INO80D: variants seen among roughly 807,000 people sequenced by gnomAD.
INO80D encodes the protein INO80 complex subunit D.
INO80D carries 21 observed loss-of-function variants against 87.6 expected under a neutral mutation model. The observed-to-expected ratio is 0.24, with a 90% CI of 0.17 to 0.35. INO80D has a LOEUF of 0.35. Ranked by LOEUF, INO80D falls within the 10% of genes least tolerant of loss-of-function variation. The pLI, the probability that INO80D is intolerant of heterozygous loss-of-function variation, is 1.00. For synonymous variants in INO80D, 440 were observed against 491.0 expected, an observed-to-expected ratio of 0.90 and a Z score of 1.37; for missense variants, 982 against 1,280.7, an observed-to-expected ratio of 0.77 and a Z score of 3.56.
chr2:206,007,231 CT>C, intron 10 of INO80D, 52 bp downstream of exon 10: 1 of 1,508,030 alleles, frequency 6.6e-7, no homozygotes, highest in East Asian at 2.3e-5. Context: ...TATTTCTTTT[CT>C]TATAAACTCA....
intron 10 of INO80D, among the ~76,000 whole-genome samples, chr2:206,006,356 G>T (rs1467199491): frequency 6.6e-6 from 1 of 152,124 alleles, no homozygotes; most frequent in Non-Finnish European, 1.5e-5. Context: ...ACAGGGTGGG[G>T]TATAAAACTA....
At chr2:206,051,870 G>T (rs1215473752) in intron 4 of INO80D, among the ~76,000 whole-genome samples, 2 of 152,102 alleles carry the variant, frequency 1.3e-5, no homozygotes, top group African/African-American at 2.4e-5. Context: ...CACACTGATG[G>T]TATAAAAGCA....
At chr2:206,074,865 G>A (rs533012417) in intron 1 of INO80D, among the ~76,000 whole-genome samples, 1 of 152,234 alleles carries the variant, frequency 6.6e-6, no homozygotes, top group East Asian at 1.9e-4. Context: ...CTTAAACCCA[G>A]GAGGCAGAGG....
At chr2:206,055,921 A>T (rs1338621479) in intron 4 of INO80D, among the ~76,000 whole-genome samples, 1 of 152,234 alleles carries the variant, frequency 6.6e-6, no homozygotes, top group Non-Finnish European at 1.5e-5. Context: ...TACATAGGTT[A>T]TGTGCAAATA....
intron 1 of INO80D, among the ~76,000 whole-genome samples, chr2:206,075,838 G>A (rs551164328): frequency 6.6e-6 from 1 of 151,644 alleles, no homozygotes; most frequent in East Asian, 2.0e-4. Context: ...CGGATCACTT[G>A]AGGTCAGGAG....
intron 3 of INO80D, among the ~76,000 whole-genome samples, chr2:206,058,286 G>A (rs923730608): frequency 6.6e-6 from 1 of 151,938 alleles, no homozygotes; most frequent in Non-Finnish European, 1.5e-5. Context: ...GGGCGTGGTG[G>A]CAGGAGCCTG....
intron 4 of INO80D, among the ~76,000 whole-genome samples, chr2:206,049,269 G>C (rs977936861): frequency 6.6e-6 from 1 of 152,148 alleles, no homozygotes; most frequent in African/African-American, 2.4e-5. Context: ...CTAATTCTAA[G>C]ATGACTATCT....
chr2:206,005,301 C>G lies in INO80D; in HGVS notation c.2151G>C (p.Leu717Phe). ...AATTATCATGTACTATACGCCCATT[C>G]AATAGCTCCCCTAGGTCTGTGTTCA... ...REVNTDLGEL[L>F]NGRIVHDNFS... The change falls in exon 11 of 11, where the codon TTG (leucine) becomes TTC (phenylalanine). Residue 717 changes from leucine (L) to phenylalanine (F), a missense_variant. By Grantham distance (22) the Leu-to-Phe change is conservative (BLOSUM62 0). Transcript: ENST00000403263. The G allele has an allele frequency of 6.2e-7, 1 of 1,614,010 alleles. No individual in the cohort carries two copies. The highest frequency in any genetic ancestry group is 2.2e-5 in the East Asian group (1 of 44,888).
chr2:206,049,526 GTCAAGA>G (rs1689290657), intron 4 of INO80D, among the ~76,000 whole-genome samples: 1 of 152,156 alleles, frequency 6.6e-6, no homozygotes, highest in Non-Finnish European at 1.5e-5. Context: ...CTCTGAGGAA[GTCAAGA>G]TCTAAGTCAT....
intron 5 of INO80D, among the ~76,000 whole-genome samples, chr2:206,038,869 G>A (rs1384575174): frequency 6.6e-6 from 1 of 152,078 alleles, no homozygotes; most frequent in African/African-American, 2.4e-5. Context: ...AAGAGAGGAG[G>A]TAGGCTGATT....
At position 206,039,608 on chromosome 2, in the gene INO80D, C is replaced by T. The variant is rs377719278; in HGVS notation, c.1073+6896G>A. 1.6e-3 allele frequency among the ~76,000 whole-genome samples: 236 copies of T among 151,226 alleles called. 1 individual carries two copies. The highest frequency in any genetic ancestry group is 5.4e-3 in the African/African-American group (223 of 41,208). ...GGGGGATCACCTGAGGTTGGGAGTT[C>T]GAGACCAGCCTGACCAACATGTAGA... On this transcript the variant is annotated intron_variant, in intron 5 of 10. Coordinates refer to ENST00000403263, the MANE Select transcript of INO80D (RefSeq NM_017759.5).
chr2:206,068,037 C>G (rs952176546), intron 1 of INO80D, among the ~76,000 whole-genome samples: 4 of 152,128 alleles, frequency 2.6e-5, no homozygotes, highest in African/African-American at 7.2e-5. Flanking sequence ...TTGAATTTAT[C>G]AATTGAGTCT....
chr2:206,007,477 C>G, intron 9 of INO80D, 36 bp from the exon 10 acceptor site: 1 of 1,571,922 alleles, frequency 6.4e-7, no homozygotes, highest in Middle Eastern at 1.7e-4. Flanking sequence ...CATAACTCCC[C>G]CATTATCTTC....
At chr2:206,020,083 A>T (rs1291216440) in intron 6 of INO80D, among the ~76,000 whole-genome samples, 1 of 93,998 alleles carries the variant, frequency 1.1e-5, no homozygotes, top group Non-Finnish European at 2.5e-5. Context: ...TGTTTCAAGT[A>T]TGTCTGTTTT....
chr2:206,046,382 C>CA, intron 5 of INO80D, 122 bp downstream of exon 5: 22 of 652,416 alleles, frequency 3.4e-5, no homozygotes, highest in South Asian at 7.3e-5. Flanking sequence ...ACTAAAAATA[C>CA]AAAAAAAATT....
At chr2:206,031,036 T>C in intron 5 of INO80D, among the ~76,000 whole-genome samples, 1 of 152,016 alleles carries the variant, frequency 6.6e-6, no homozygotes, top group East Asian at 1.9e-4. Context: ...AGGCAGCAGT[T>C]TCCACCAACA....
intron 1 of INO80D, among the ~76,000 whole-genome samples, chr2:206,074,853 C>T (rs952450323): frequency 1.2e-4 from 18 of 151,732 alleles, no homozygotes; most frequent in African/African-American, 4.4e-4. Context: ...GCAGGAGAAT[C>T]GCTTAAACCC....
chr2:206,079,890 C>T (rs1043696634), intron 1 of INO80D, among the ~76,000 whole-genome samples: 4 of 152,176 alleles, frequency 2.6e-5, no homozygotes, highest in Non-Finnish European at 5.9e-5. Flanking sequence ...ACACAGGATA[C>T]TCTTTTGTCC....
At chr2:206,039,022 A>T (rs1218636878) in intron 5 of INO80D, among the ~76,000 whole-genome samples, 1 of 152,180 alleles carries the variant, frequency 6.6e-6, no homozygotes, top group East Asian at 1.9e-4. Flanking sequence ...AAAAAGAAAA[A>T]ACACATTAAA....
Sources: allele counts gnomAD v4.1 joint callset (sites outside exome capture counted in the v4.1 genomes callset), GRCh38; gene constraint gnomAD v4.1.1; transcripts MANE v1.5; gene names NCBI Gene and HGNC (gene_info 2026-07-23, HGNC 2026-07-21).